The following PDZD2 variants were observed in gnomAD, a reference collection of about 807,000 sequenced individuals.
PDZD2 encodes the protein PDZ domain containing 2.
A neutral mutation model predicts 220.7 loss-of-function variants in PDZD2; 90 were observed. The ratio of observed to expected loss-of-function variants is 0.41; its 90% confidence interval spans 0.34 to 0.49. PDZD2 has a LOEUF of 0.49. Among genes scored for constraint, PDZD2 ranks in the 20% least tolerant of loss-of-function variants. The pLI, the probability that PDZD2 is intolerant of heterozygous loss-of-function variation, is 0.28. For missense variants in PDZD2, 3,174 were observed against 3,608.5 expected (o/e 0.88, Z 3.08); for synonymous variants, 1,375 against 1,450.5 (o/e 0.95, Z 1.18).
intron 1 of PDZD2, among the ~76,000 whole-genome samples, chr5:31,795,942 T>A (rs1421095458): frequency 6.6e-6 from 1 of 152,148 alleles, no homozygotes; most frequent in East Asian, 1.9e-4. Flanking sequence ...GGTGTCCGTG[T>A]ATTTCCAACA....
chr5:32,092,482 G>A (rs1445462332), intron 20 of PDZD2, among the ~76,000 whole-genome samples: 2 of 151,930 alleles, frequency 1.3e-5, no homozygotes, highest in Non-Finnish European at 2.9e-5. Context: ...TGAGGCACGA[G>A]AATAGCTTGA....
At chr5:31,661,565 C>A (rs138327891) in intron 1 of PDZD2, 1 of 152,290 alleles carries the variant, frequency 6.6e-6, no homozygotes, top group African/African-American at 2.4e-5. Flanking sequence ...TTAGCTGACA[C>A]TCTTGAAACA....
At chr5:31,943,021 G>A (rs1191230674) in intron 2 of PDZD2, among the ~76,000 whole-genome samples, 1 of 152,132 alleles carries the variant, frequency 6.6e-6, no homozygotes, top group East Asian at 1.9e-4. Context: ...TGGCCAACAT[G>A]GTGAAATCCC....
intron 2 of PDZD2, among the ~76,000 whole-genome samples, chr5:31,890,278 C>T (rs895568658): frequency 2.6e-5 from 4 of 151,868 alleles, no homozygotes; most frequent in Non-Finnish European, 5.9e-5. Flanking sequence ...AAATGTGACG[C>T]ACATGACCCA....
At chr5:31,823,666 C>A (rs997166422) in intron 2 of PDZD2, among the ~76,000 whole-genome samples, 5 of 152,102 alleles carry the variant, frequency 3.3e-5, no homozygotes, top group African/African-American at 1.2e-4. Flanking sequence ...GGCCTACAAC[C>A]ACAAAGAATT....
At chr5:32,043,596 C>T (rs761408177) in intron 7 of PDZD2, among the ~76,000 whole-genome samples, 1 of 152,242 alleles carries the variant, frequency 6.6e-6, no homozygotes, top group Non-Finnish European at 1.5e-5. Flanking sequence ...CGCCATGAGG[C>T]GGCTGCCACT....
At chr5:31,852,174 C>T (rs1451374594) in intron 2 of PDZD2, among the ~76,000 whole-genome samples, 1 of 152,004 alleles carries the variant, frequency 6.6e-6, no homozygotes, top group Non-Finnish European at 1.5e-5. Flanking sequence ...ATTTTCAATT[C>T]CCAGCACTTA....
chr5:31,653,521 G>A (rs184426725), intron 1 of PDZD2, among the ~76,000 whole-genome samples: 2,214 of 152,236 alleles, frequency 0.015, 27 homozygotes, highest in Non-Finnish European at 0.023. Flanking sequence ...TGAGAGGGAG[G>A]ACCTCTGAGG....
chr5:31,880,707 T>C (rs1739783673), intron 2 of PDZD2, among the ~76,000 whole-genome samples: 1 of 151,292 alleles, frequency 6.6e-6, no homozygotes, highest in Non-Finnish European at 1.5e-5. Context: ...ATGGAAGCTG[T>C]AAATATCCTG....
Position 32,108,479 on chromosome 5 carries a change from C to A in PDZD2, c.*344C>A, listed in dbSNP as rs1561625618. The stretch of plus-strand genomic sequence containing the variant: ...TAGCTAGACCTTTGCTTCCTTCTTG[C>A]CAGCTCTCCCAACATACCCAATCCT... On this transcript the variant is annotated 3_prime_UTR_variant, in exon 25 of 25. Coordinates refer to ENST00000438447, the MANE Select transcript of PDZD2 (RefSeq NM_178140.4). 1 of 160,194 alleles carries A rather than the reference C, an allele frequency of 6.2e-6. No homozygotes were observed. The allele number at this position is 160,194 out of a possible 1,614,324, so 9.9% of individuals were successfully genotyped here.
At chr5:31,784,885 C>T (rs1171761290) in intron 1 of PDZD2, among the ~76,000 whole-genome samples, 1 of 151,378 alleles carries the variant, frequency 6.6e-6, no homozygotes, top group Non-Finnish European at 1.5e-5. Flanking sequence ...CCAGCTTGGG[C>T]GACACAGCGA....
At chr5:32,091,443 C>T (rs962636592) in intron 20 of PDZD2, among the ~76,000 whole-genome samples, 4 of 151,766 alleles carry the variant, frequency 2.6e-5, no homozygotes, top group Non-Finnish European at 5.9e-5. Context: ...CACCACCACA[C>T]CTGGCTAATT....
intron 2 of PDZD2, among the ~76,000 whole-genome samples, chr5:31,842,517 C>G (rs1266366328): frequency 1.3e-5 from 2 of 152,176 alleles, no homozygotes; most frequent in East Asian, 3.8e-4. Context: ...TTTCCTGGCT[C>G]GAATCTGGCT....
At chr5:31,784,067 G>T (rs1036913078) in intron 1 of PDZD2, among the ~76,000 whole-genome samples, 1 of 152,154 alleles carries the variant, frequency 6.6e-6, no homozygotes, top group Admixed American at 6.5e-5. Flanking sequence ...AGAGCATAAG[G>T]CTCCTCGGTA....
rs542397087 is a variant in PDZD2, at chr5:32,094,349, C to A, written c.7845+1325C>A. Among the ~76,000 whole-genome samples, 483 of 152,226 alleles carry A rather than the reference C, an allele frequency of 3.2e-3. 3 individuals are homozygous for A. Among genetic ancestry groups the A allele is most frequent in the Non-Finnish European group, 4.9e-3 (334 of 68,022 alleles). On this transcript the variant is annotated intron_variant, in intron 21 of 24. Transcript: ENST00000438447. ...TTGGGGCTATACGTAGAGATTTGAA[C>A]CCTAATGAATGAATATTTTCTATTT...
chr5:31,821,392 T>TAC (rs1755846959), intron 2 of PDZD2, among the ~76,000 whole-genome samples: 1 of 136,538 alleles, frequency 7.3e-6, no homozygotes, highest in South Asian at 2.3e-4. Context: ...TTATTATTTT[T>TAC]TTTTTTTGAG....
At chr5:31,724,787 G>A (rs560144830) in intron 1 of PDZD2, among the ~76,000 whole-genome samples, 2 of 152,240 alleles carry the variant, frequency 1.3e-5, no homozygotes, top group Admixed American at 1.3e-4. Flanking sequence ...TGGCCAGTCA[G>A]TGTTGTACTG....
intron 2 of PDZD2, among the ~76,000 whole-genome samples, chr5:31,887,849 A>G (rs1740655394): frequency 6.8e-6 from 1 of 147,858 alleles, no homozygotes; most frequent in East Asian, 2.2e-4. Flanking sequence ...ACTTTTTCTA[A>G]AGGAAAAATA....
intron 2 of PDZD2, among the ~76,000 whole-genome samples, chr5:31,850,204 GTATATATGTGTA>G (rs1561508101): frequency 1.8e-4 from 16 of 91,204 alleles, no homozygotes; most frequent in Non-Finnish European, 2.6e-4. Context: ...GTATATATAA[GTATATATGTGTA>G]TATATATAAG....
Sources: allele counts gnomAD v4.1 joint callset (sites outside exome capture counted in the v4.1 genomes callset), GRCh38; gene constraint gnomAD v4.1.1; transcripts MANE v1.5; gene names NCBI Gene and HGNC (gene_info 2026-07-23, HGNC 2026-07-21).